Variants in ELP2 observed in about 807,000 individuals in gnomAD.
ELP2 encodes elongator acetyltransferase complex subunit 2.
A neutral mutation model predicts 119.2 loss-of-function variants in ELP2; 90 were observed. The observed-to-expected ratio is 0.75, with a 90% CI of 0.64 to 0.90. ELP2 has a LOEUF of 0.90. Among genes scored for constraint, ELP2 ranks in the 40% least tolerant of loss-of-function variants. The probability of loss-of-function intolerance (pLI) is 0.00; values close to 1 mark genes in which losing one functional copy is unlikely to be tolerated. For synonymous variants in ELP2, 339 were observed against 331.0 expected (o/e 1.02, Z -0.26); for missense variants, 921 against 967.8 (o/e 0.95, Z 0.64).
intron 17 of ELP2, among the ~76,000 whole-genome samples, chr18:36,163,173 C>G (rs964940728): frequency 6.6e-6 from 1 of 151,960 alleles, no homozygotes; most frequent in Non-Finnish European, 1.5e-5. Flanking sequence ...CTTTTTGCTT[C>G]TGAGTCATTT....
chr18:36,142,410 G>A, intron 7 of ELP2, 63 bp downstream of exon 7: 1 of 1,351,546 alleles, frequency 7.4e-7, no homozygotes, highest in Non-Finnish European at 1.1e-6. Flanking sequence ...TTCCAAGAAA[G>A]CAGCCTTTTT....
intron 21 of ELP2, 49 bp downstream of exon 21, chr18:36,171,209 G>T (rs1441745388): frequency 5.3e-6 from 7 of 1,320,608 alleles, no homozygotes; most frequent in Admixed American, 1.7e-5. Flanking sequence ...GAAATTGTGG[G>T]GTCTTTCATG....
intron 2 of ELP2, among the ~76,000 whole-genome samples, chr18:36,134,388 T>A (rs1598734955): frequency 6.6e-6 from 1 of 152,170 alleles, no homozygotes; most frequent in African/African-American, 2.4e-5. Context: ...GATATGAAAA[T>A]CCAGCTATAT....
chr18:36,151,188 G>A (rs1399868435), intron 11 of ELP2, among the ~76,000 whole-genome samples: 4 of 150,402 alleles, frequency 2.7e-5, no homozygotes, highest in Non-Finnish European at 4.4e-5. Context: ...GGGCTCAATC[G>A]ATCCTCCCAC....
In ELP2 at chr18:36,179,307, C is replaced by CAAAAAAAAAAAAAAAAA. The variant is rs56758248; in HGVS notation, c.*4682_*4683insAAAAAAAAAAAAAAAAA. 1.8e-5 allele frequency: 2 copies of CAAAAAAAAAAAAAAAAA among 108,772 alleles called. No homozygotes were observed. The highest frequency in any genetic ancestry group is 3.6e-5 in the African/African-American group (1 of 27,930). 6.7% of individuals were successfully genotyped at this position (108,772 alleles called of 1,614,324 possible). On this transcript the variant is annotated 3_prime_UTR_variant, in exon 22 of 22. Coordinates refer to ENST00000358232, the MANE Select transcript of ELP2 (RefSeq NM_018255.4). Reference sequence around the variant, plus strand: ...TGAAACCCCATCTCTACTAAAAATACAAAAAAAAAAAAAAAATTAGTCGGG... The same window carrying CAAAAAAAAAAAAAAAAA: ...TGAAACCCCATCTCTACTAAAAATACAAAAAAAAAAAAAAAAAAAAAAAAAAAAAAAAATTAGTCGGG...
At chr18:36,136,226 GT>G in intron 2 of ELP2, 80 bp from the exon 3 acceptor site, 2 of 1,057,926 alleles carry the variant, frequency 1.9e-6, no homozygotes, top group Non-Finnish European at 3.0e-6. Context: ...CAGGGGTATT[GT>G]TTTTTGGTGT....
intron 20 of ELP2, chr18:36,170,788 GTCC>G (rs2091056241): frequency 1.9e-6 from 1 of 532,980 alleles, no homozygotes; most frequent in African/African-American, 1.9e-5. Context: ...TGGAACAAGG[GTCC>G]CTACAGCCAG....
chr18:36,164,386 A>G, intron 17 of ELP2, 89 bp from the exon 18 acceptor site: 1 of 1,240,556 alleles, frequency 8.1e-7, no homozygotes, highest in Non-Finnish European at 1.2e-6. Context: ...AATAAAATAT[A>G]CTCATAGAAA....
intron 11 of ELP2, among the ~76,000 whole-genome samples, chr18:36,148,904 C>G (rs2090299039): frequency 6.6e-6 from 1 of 152,164 alleles, no homozygotes; most frequent in Non-Finnish European, 1.5e-5. Context: ...CACACACAGT[C>G]AATAATTAGT....
intron 5 of ELP2, among the ~76,000 whole-genome samples, chr18:36,140,579 T>C (rs535147850): frequency 6.6e-6 from 1 of 152,210 alleles, no homozygotes; most frequent in East Asian, 1.9e-4. Flanking sequence ...ATTCCTGACC[T>C]CAGGTGATCT....
chr18:36,160,108 C>T, intron 16 of ELP2, 93 bp downstream of exon 16: 1 of 1,191,342 alleles, frequency 8.4e-7, no homozygotes, highest in Non-Finnish European at 1.2e-6. Flanking sequence ...CCTTTTTCTT[C>T]CTTCTACCTA....
rs1175523952 is a variant in ELP2, at chr18:36,179,623, T to C, written c.*4982T>C. 1.3e-5 allele frequency: 2 copies of C among 152,252 alleles called. No homozygotes were observed. Among genetic ancestry groups the C allele is most frequent in the Non-Finnish European group, 2.9e-5 (2 of 68,088 alleles). The allele number at this position is 152,252 out of a possible 1,614,324, so 9.4% of individuals were successfully genotyped here. A position where few individuals can be genotyped will look rare whatever the true frequency, so the allele number is the denominator to read the frequency against. On this transcript the variant is annotated 3_prime_UTR_variant, in exon 22 of 22. Coordinates refer to ENST00000358232, the MANE Select transcript of ELP2 (RefSeq NM_018255.4). ...AAGGCTGCTCTTGCAGGGGCTCTCC[T>C]GCAGCAAGGTGCCTGCTGACTGTCC...
chr18:36,159,589 C>T (rs1277526048), intron 14 of ELP2, 146 bp from the exon 15 acceptor site: 5 of 698,806 alleles, frequency 7.2e-6, no homozygotes, highest in Non-Finnish European at 1.3e-5. Flanking sequence ...AATGGAAATA[C>T]TCTTGCCTTT....
At chr18:36,158,256 A>G (rs546688081) in intron 13 of ELP2, among the ~76,000 whole-genome samples, 17 of 152,330 alleles carry the variant, frequency 1.1e-4, no homozygotes, top group African/African-American at 2.2e-4. Flanking sequence ...GATGGTTAGC[A>G]TATATTTTCA....
At chr18:36,151,943 G>A (rs2090418015) in intron 11 of ELP2, among the ~76,000 whole-genome samples, 1 of 143,112 alleles carries the variant, frequency 7.0e-6, no homozygotes, top group African/African-American at 2.6e-5. Flanking sequence ...TAGGAGAGAC[G>A]GAGTTTCACC....
chr18:36,130,037 G>T lies in ELP2; in HGVS notation c.104G>T (p.Gly35Val). The change falls in exon 1 of 22, where the codon GGC becomes GTC. Residue 35 changes from glycine to valine, a missense_variant. By Grantham distance (109) the Gly-to-Val change is moderately radical. Coordinates refer to ENST00000358232, the MANE Select transcript of ELP2 (RefSeq NM_018255.4). Reference sequence around the variant, plus strand: ...GGGCCCAGAGGACTTCTGGCCTTTGGCACGTCCTGCTCCGTGGTGCTCTAT... The same window carrying T: ...GGGCCCAGAGGACTTCTGGCCTTTGTCACGTCCTGCTCCGTGGTGCTCTAT... The part of the protein sequence containing the change: ...SSGPRGLLAF[G>V]TSCSVVLYDP... 1 of 1,614,186 alleles carries T rather than the reference G, an allele frequency of 6.2e-7. No individual in the cohort carries two copies. The highest frequency in any genetic ancestry group is 8.5e-7 in the Non-Finnish European group (1 of 1,180,028).
At chr18:36,173,067 G>A (rs1173096589) in intron 21 of ELP2, among the ~76,000 whole-genome samples, 1 of 151,904 alleles carries the variant, frequency 6.6e-6, no homozygotes, top group African/African-American at 2.4e-5. Context: ...GGATTTAAAG[G>A]ACATTACCAA....
chr18:36,160,865 T>C, intron 16 of ELP2, 67 bp from the exon 17 acceptor site: 1 of 1,065,808 alleles, frequency 9.4e-7, no homozygotes, highest in Non-Finnish European at 1.5e-6. Flanking sequence ...CTTTTTACTT[T>C]CAAAAATTGT....
chr18:36,134,645 G>T (rs898952417), intron 2 of ELP2, among the ~76,000 whole-genome samples: 1 of 152,022 alleles, frequency 6.6e-6, no homozygotes, highest in Admixed American at 6.5e-5. Context: ...GCTTTTTGGG[G>T]TCCTCAAAAA....
Sources: gnomAD v4.1 joint callset for allele counts (sites outside exome capture counted in the v4.1 genomes callset) on GRCh38, gnomAD v4.1.1 for gene constraint, MANE v1.5 for transcripts, NCBI Gene and HGNC (gene_info 2026-07-23, HGNC 2026-07-21) for gene names.